Variants in MUC4 observed in about 807,000 individuals in gnomAD.
MUC4 encodes the protein mucin-4.
MUC4 carries 202 observed loss-of-function variants against 257.9 expected under a neutral mutation model. The ratio of observed to expected loss-of-function variants is 0.78; its 90% confidence interval spans 0.70 to 0.88. MUC4 has a LOEUF of 0.88. Ranked by LOEUF, MUC4 falls within the 40% of genes least tolerant of loss-of-function variation. The pLI is 0.00. For missense variants in MUC4, 5,976 were observed against 6,513.7 expected, an observed-to-expected ratio of 0.92 and a Z score of 2.84; for synonymous variants, 2,351 against 2,757.1, an observed-to-expected ratio of 0.85 and a Z score of 4.62.
At chr3:195,800,457 C>G (rs773312759) in intron 1 of MUC4, among the ~76,000 whole-genome samples, 2 of 152,088 alleles carry the variant, frequency 1.3e-5, no homozygotes, top group African/African-American at 2.4e-5. Flanking sequence ...GGGGAGAAGG[C>G]GCTGTCAAAA....
chr3:195,793,149 G>GA (rs1243893906), intron 1 of MUC4, among the ~76,000 whole-genome samples: 3 of 133,290 alleles, frequency 2.3e-5, no homozygotes, highest in Admixed American at 2.1e-4. Flanking sequence ...GAAATAAAAA[G>GA]AAAAAATGAA....
chr3:195,774,150 G>A (rs57282253), intron 4 of MUC4, 22 bp downstream of exon 4: 41,173 of 1,587,416 alleles, frequency 0.026, 1,687 homozygotes, highest in African/African-American at 0.19. Flanking sequence ...TTCAGGCTGC[G>A]CGGGCCGCAG....
In MUC4 at chr3:195,784,667, G is replaced by C. The variant is rs567551957; in HGVS notation, c.6913C>G (p.Leu2305Val). 2.9e-6 allele frequency: 4 copies of C among 1,391,318 alleles called. No homozygotes were observed. The highest frequency in any genetic ancestry group is 3.8e-6 in the Non-Finnish European group (4 of 1,041,134). The allele number at this position is 1,391,318 out of a possible 1,614,324, so 86.2% of individuals were successfully genotyped here. A position where few individuals can be genotyped will look rare whatever the true frequency, so the allele number is the denominator to read the frequency against. Residue 2305 changes from leucine to valine, a missense_variant, in exon 2 of 25, where the codon CTT becomes GTT. By Grantham distance (32) the Leu-to-Val change is conservative. Coordinates refer to ENST00000463781, the MANE Select transcript of MUC4 (RefSeq NM_018406.7). ...GCTGAGGAAGCGTCGGTGACATGAA[G>C]AGGGGTGGCGTGACCTGTGGATGCT... ...SSASTGHATPLHVTDASSAST... is the reference protein window; with the variant it reads ...SSASTGHATPVHVTDASSAST...
chr3:195,791,149 G>C lies in MUC4; in HGVS notation c.431C>G (p.Thr144Arg), dbSNP rs777424867. The C allele has an allele frequency of 1.2e-5, 19 of 1,613,868 alleles. No individual in the cohort carries two copies. Among genetic ancestry groups the C allele is most frequent in the Non-Finnish European group, 1.5e-5 (18 of 1,179,878 alleles). Residue 144 changes from threonine (T) to arginine (R), a missense_variant, in exon 2 of 25, where the codon ACA becomes AGA. Around this residue, in one of 44 missense-constraint regions of MUC4, gnomAD observed 1,583 missense variants for 1,257.4 expected, o/e 1.26. Transcript: ENST00000463781. ...TSKTITMTTSTDSTLGNTEET... is the reference protein window; with the variant it reads ...TSKTITMTTSRDSTLGNTEET... Reference sequence around the variant, plus strand: ...TTCTGTGTTTCCAAGAGTGGAGTCTGTGGAGGTTGTCATTGTTATAGTCTT... The same window carrying C: ...TTCTGTGTTTCCAAGAGTGGAGTCTCTGGAGGTTGTCATTGTTATAGTCTT...
intron 20 of MUC4, among the ~76,000 whole-genome samples, chr3:195,752,843 T>C (rs185017269): frequency 2.2e-4 from 34 of 152,312 alleles, no homozygotes; most frequent in Non-Finnish European, 2.8e-4. Flanking sequence ...CCTTCCTCCA[T>C]AGGCCACACA....
intron 5 of MUC4, chr3:195,770,736 C>A: frequency 4.8e-6 from 2 of 415,388 alleles, no homozygotes; most frequent in South Asian, 1.9e-5. Context: ...CCTCTTGGAG[C>A]CTCCACACTG....
At chr3:195,762,299 C>T (rs1425098723) in intron 13 of MUC4, 45 bp from the exon 14 acceptor site, 1 of 1,524,826 alleles carries the variant, frequency 6.6e-7, no homozygotes, top group Non-Finnish European at 8.8e-7. Flanking sequence ...GTCGGCACCA[C>T]GGCCCGCACC....
At chr3:195,791,899 T>C (rs529673061) in intron 1 of MUC4, among the ~76,000 whole-genome samples, 39 of 152,330 alleles carry the variant, frequency 2.6e-4, no homozygotes, top group African/African-American at 7.9e-4. Context: ...GGATTCTCTA[T>C]TCAATAAATG....
chr3:195,801,937 A>C (rs1735379437), intron 1 of MUC4, among the ~76,000 whole-genome samples: 3 of 145,470 alleles, frequency 2.1e-5, no homozygotes, highest in Admixed American at 1.4e-4. Context: ...TCCCCTTGCC[A>C]CCTCTCTCCC....
chr3:195,799,181 A>G (rs1734964015), intron 1 of MUC4, among the ~76,000 whole-genome samples: 1 of 151,364 alleles, frequency 6.6e-6, no homozygotes, highest in African/African-American at 2.4e-5. Flanking sequence ...TCCTTAATAC[A>G]TCTTACTTTA....
At position 195,757,295 on chromosome 3, in the gene MUC4, A is replaced by G. The variant is rs768987413; in HGVS notation, c.15020T>C (p.Leu5007Pro). ...TAGAATCTCCAGAGTGAATGGCTCC[A>G]GCGACTTGGGTGTCCACAGCAACGT... is the stretch of plus-strand genomic sequence containing the variant. ...NGTLLWTPKS[L>P]EPFTLEILAR... The change falls in exon 18 of 25, where the codon CTG becomes CCG. Residue 5007 changes from leucine (L) to proline (P), a missense_variant. Physicochemically the swap from Leu to Pro is moderately conservative, Grantham distance 98. Around this residue, in one of 44 missense-constraint regions of MUC4, gnomAD observed 996 missense variants for 1,137.3 expected, o/e 0.88. Transcript: ENST00000463781. This position sits in a 1 kb window ranked among gnomAD's most constrained non-coding sequence, Gnocchi z 4.8. 7 of 1,609,920 alleles carry G rather than the reference A, an allele frequency of 4.3e-6. No homozygotes were observed. Among genetic ancestry groups the G allele is most frequent in the Non-Finnish European group, 5.9e-6 (7 of 1,176,480 alleles).
At position 195,783,684 on chromosome 3, in the gene MUC4, T is replaced by G; in HGVS notation, c.7896A>C (p.Ser2632=). The G allele has an allele frequency of 2.3e-6, 1 of 425,652 alleles. No homozygotes were observed. Among genetic ancestry groups the G allele is most frequent in the South Asian group, 2.2e-5 (1 of 45,594 alleles). The allele number at this position is 425,652 out of a possible 1,614,324, so 26.4% of individuals were successfully genotyped here. ...GAGGAGTGGCGTGACCTGTGGATGC[T>G]GAGGAAGGGCTAGTGACAGGAAGAG... ...TTPLPVTSPS[S]ASTGHATPLL... is the part of the protein sequence containing the mutation. Residue 2632 remains serine (S), a synonymous_variant, in exon 2 of 25, where the codon TCA becomes TCC. Transcript: ENST00000463781.
chr3:195,759,388 A>T, intron 16 of MUC4, 127 bp from the exon 17 acceptor site: 1 of 1,289,430 alleles, frequency 7.8e-7, no homozygotes, highest in Non-Finnish European at 1.1e-6. Context: ...TGGAAGAAGG[A>T]ATTATTCTGT....
chr3:195,767,609 TTG>T (rs1721239767), intron 7 of MUC4, among the ~76,000 whole-genome samples: 2 of 27,272 alleles, frequency 7.3e-5, no homozygotes, highest in African/African-American at 1.5e-4. Flanking sequence ...ATCATCACCA[TTG>T]CCACCACCAT....
chr3:195,771,122 G>C (rs113267591), intron 5 of MUC4, among the ~76,000 whole-genome samples: 1 of 149,640 alleles, frequency 6.7e-6, no homozygotes, highest in East Asian at 2.0e-4. Flanking sequence ...GCCGGGTTGG[G>C]GTATTCCTGG....
intron 21 of MUC4, 57 bp downstream of exon 21, chr3:195,752,316 C>G (rs1167386079): frequency 6.9e-7 from 1 of 1,458,402 alleles, no homozygotes; most frequent in Non-Finnish European, 9.6e-7. Context: ...TGGTTCCGCC[C>G]TGGCCTGAAC....
At chr3:195,761,413 C>T (rs1718879721) in intron 15 of MUC4, 71 bp downstream of exon 15, 10 of 1,319,082 alleles carry the variant, frequency 7.6e-6, no homozygotes, top group South Asian at 1.2e-5. Flanking sequence ...CCTACAGGGC[C>T]GAGGGGGACG....
rs1485285825 is a variant in MUC4, at chr3:195,781,228, G to A, written c.10352C>T (p.Thr3451Ile). The A allele has an allele frequency of 3.6e-6, 5 of 1,405,594 alleles. 1 individual carries two copies. The highest frequency in any genetic ancestry group is 2.9e-5 in the South Asian group (2 of 68,748). The allele number at this position is 1,405,594 out of a possible 1,614,324, so 87.1% of individuals were successfully genotyped here. Residue 3451 changes from threonine to isoleucine, a missense_variant, in exon 2 of 25, where the codon ACA becomes ATA. By Grantham distance (89) the Thr-to-Ile change is moderately conservative (BLOSUM62 -1). Coordinates refer to ENST00000463781, the MANE Select transcript of MUC4 (RefSeq NM_018406.7). ...VPVTSTSSAS[T>I]GHTTPLPVTD... is the part of the protein sequence containing the mutation. ...GACAGGAAGAGGGGTGGTGTGACCT[G>A]TAGATGCTGAGGAAGTGCTGGTGAC...
Position 195,753,142 on chromosome 3 carries a change from C to T in MUC4, c.15417G>A (p.Leu5139=). The T allele has an allele frequency of 6.2e-7, 1 of 1,613,102 alleles. No homozygotes were observed. Among genetic ancestry groups the T allele is most frequent in the Non-Finnish European group, 8.5e-7 (1 of 1,179,690 alleles). Residue 5139 remains leucine, a synonymous_variant, in exon 20 of 25, where the codon CTG becomes CTA. Transcript: ENST00000463781. The stretch of plus-strand genomic sequence containing the variant: ...GGCAGGTGCACATGGGCTGACAGCC[C>T]AGAGTCTGGGAGATGTAGCAGTGGC... ...NQGHCYISQT[L]GCQPMCTCPP...
Sources: gnomAD v4.1 joint callset for allele counts (sites outside exome capture counted in the v4.1 genomes callset) on GRCh38, gnomAD v4.1.1 for gene constraint, gnomAD v4.1.1 regional missense constraint, Gnocchi (gnomAD v3.1) non-coding constraint, MANE v1.5 for transcripts, NCBI Gene and HGNC (gene_info 2026-07-23, HGNC 2026-07-21) for gene names.